Variants in CLBA1 observed in about 807,000 individuals in gnomAD.
CLBA1 encodes uncharacterized protein CLBA1.
A neutral mutation model predicts 28.8 loss-of-function variants in CLBA1; 30 were observed. That is an observed-to-expected ratio of 1.04 (90% CI 0.78 to 1.41). The LOEUF (loss-of-function observed/expected upper bound fraction) is 1.41, where lower values mean the gene tolerates loss of function less well. Ranked by LOEUF, CLBA1 falls within the 40% of genes most tolerant of loss-of-function variation. CLBA1 has a pLI of 0.00. For synonymous variants in CLBA1, 160 were observed against 152.8 expected, an observed-to-expected ratio of 1.05 and a Z score of -0.35; for missense variants, 451 against 412.3, an observed-to-expected ratio of 1.09 and a Z score of -0.81.
chr14:104,996,478 G>A (rs1429470681), downstream of CLBA1, among the ~76,000 whole-genome samples: 1 of 152,232 alleles, frequency 6.6e-6, no homozygotes, highest in Non-Finnish European at 1.5e-5. Flanking sequence ...GCAGGGAGCT[G>A]ACGGACACTC....
At chr14:104,988,357 G>C (rs1899927076) in intron 1 of CLBA1, among the ~76,000 whole-genome samples, 1 of 139,352 alleles carries the variant, frequency 7.2e-6, no homozygotes, top group Non-Finnish European at 1.5e-5. Flanking sequence ...TTTTGAGACG[G>C]AGTCTCTCTC....
In CLBA1 at chr14:104,986,394, G is replaced by A. The variant is rs1158561514; in HGVS notation, c.-38G>A. 2 of 1,597,650 alleles carry A rather than the reference G, an allele frequency of 1.3e-6. No individual in the cohort carries two copies. Among genetic ancestry groups the A allele is most frequent in the Non-Finnish European group, 8.5e-7 (1 of 1,174,168 alleles). On this transcript the variant is annotated 5_prime_UTR_variant, in exon 1 of 5. Coordinates refer to ENST00000547315, the MANE Select transcript of CLBA1 (RefSeq NM_174891.4). ...CCCCGGCGTGCATGTCTCCTGAGCA[G>A]CTGCCCATCGGGCCTCTGCTGGCCT... is the stretch of plus-strand genomic sequence containing the variant.
chr14:104,993,367 G>C, intron 4 of CLBA1: 1 of 985,458 alleles, frequency 1.0e-6, no homozygotes, highest in East Asian at 1.1e-4. Flanking sequence ...GAGACGCCAG[G>C]TGTGGATGAC....
At chr14:104,991,456 A>G (rs776776262) in intron 2 of CLBA1, 35 bp from the exon 3 acceptor site, 11 of 1,612,016 alleles carry the variant, frequency 6.8e-6, no homozygotes, top group Non-Finnish European at 9.3e-6. Context: ...GAAGGCTCTC[A>G]AGGTCACCTT....
chr14:104,994,912 G>C lies in CLBA1; in HGVS notation c.*153G>C, dbSNP rs1036263503. On this transcript the variant is annotated 3_prime_UTR_variant, in exon 5 of 5. Transcript: ENST00000547315. ...AGGACCTGTCCTGTGTTCTGGGCTT[G>C]TCTCGGGTCTGACCAGGAGATGGAG... 71 of 1,379,754 alleles carry C rather than the reference G, an allele frequency of 5.1e-5. No homozygotes were observed. The highest frequency in any genetic ancestry group is 3.3e-4 in the Admixed American group (10 of 30,658). The allele number at this position is 1,379,754 out of a possible 1,614,324, so 85.5% of individuals were successfully genotyped here.
chr14:104,996,941 C>T (rs1238684923), downstream of CLBA1, among the ~76,000 whole-genome samples: 2 of 152,260 alleles, frequency 1.3e-5, no homozygotes, highest in Non-Finnish European at 2.9e-5. Context: ...TGGAACTAAA[C>T]GTTGTTTGCT....
chr14:104,989,568 T>C, intron 2 of CLBA1: 2 of 455,704 alleles, frequency 4.4e-6, no homozygotes, highest in East Asian at 6.9e-5. Context: ...CGGTGCTGCC[T>C]GCAGGGCCAC....
chr14:105,000,590 A>T (rs1409278176), intron 2 of CLBA1, among the ~76,000 whole-genome samples: 4 of 151,866 alleles, frequency 2.6e-5, no homozygotes, highest in Non-Finnish European at 5.9e-5. Context: ...ATTTTCCAAA[A>T]ATATATATAT....
rs1457776899 is a variant in CLBA1 at position 104,995,163 on chromosome 14, GA to G, written c.*407del. 1 of 990,098 alleles carries G rather than the reference GA, an allele frequency of 1.0e-6. No individual in the cohort carries two copies. Among genetic ancestry groups the G allele is most frequent in the Non-Finnish European group, 1.2e-6 (1 of 833,318 alleles). 61.3% of individuals were successfully genotyped at this position (990,098 alleles called of 1,614,324 possible). ...GTTCAGAGGAAAAGGGGAAGGCACT[GA>G]AACGTCACCAGAGAGACAGCTGTTG... On this transcript the variant is annotated 3_prime_UTR_variant, in exon 5 of 5. Transcript: ENST00000547315.
In CLBA1 at chr14:104,986,606, G is replaced by A; in HGVS notation, c.175G>A (p.Glu59Lys). 3 of 1,614,068 alleles carry A rather than the reference G, an allele frequency of 1.9e-6. No individual in the cohort carries two copies. Among genetic ancestry groups the A allele is most frequent in the African/African-American group, 1.3e-5 (1 of 75,036 alleles). ...GAAAGCCAGCATCTCCATGCCCCGT[G>A]AGGGCGGTTCCACCTGCACTGCCCG... ...DGKASISMPR[E>K]GGSTCTARCP... The change falls in exon 1 of 5, where the codon GAG (glutamate) becomes AAG (lysine). Residue 59 changes from glutamate to lysine, a missense_variant. By Grantham distance (56) the Glu-to-Lys change is moderately conservative (BLOSUM62 1). Transcript: ENST00000547315.
chr14:104,994,586 C>G lies in CLBA1; in HGVS notation c.817-12C>G, dbSNP rs1276191422. The G allele has an allele frequency of 1.2e-6, 2 of 1,600,654 alleles. No individual in the cohort carries two copies. The highest frequency in any genetic ancestry group is 1.7e-6 in the Non-Finnish European group (2 of 1,177,478). On this transcript the variant is annotated splice_polypyrimidine_tract_variant and intron_variant, in intron 4 of 4. Coordinates refer to ENST00000547315, the MANE Select transcript of CLBA1 (RefSeq NM_174891.4). The stretch of plus-strand genomic sequence containing the variant: ...GGGGTGCGCGCGCCTGACTGCTGTC[C>G]TCTCATCTCAGCTCTCGGGGCCGCC...
At chr14:104,988,636 G>A (rs1675664282) in intron 1 of CLBA1, among the ~76,000 whole-genome samples, 1 of 152,194 alleles carries the variant, frequency 6.6e-6, no homozygotes, top group Admixed American at 6.5e-5. Context: ...ACCGCGCCCG[G>A]CCGCATGTAT....
At chr14:104,991,418 C>T in intron 2 of CLBA1, 73 bp from the exon 3 acceptor site, 1 of 1,590,214 alleles carries the variant, frequency 6.3e-7, no homozygotes. Context: ...CCGCTGCGTG[C>T]CTCGGGCCGT....
Position 104,986,457 on chromosome 14 carries a change from G to GA in CLBA1, c.27dup (p.Glu10ArgfsTer5), listed in dbSNP as rs1899863233. The GA allele has an allele frequency of 3.1e-6, 5 of 1,612,870 alleles. No homozygotes were observed. Among genetic ancestry groups the GA allele is most frequent in the Non-Finnish European group, 4.2e-6 (5 of 1,180,014 alleles). Reference sequence around the variant, plus strand: ...ATGCAAGGCCGGCGGGAGCTGGGGGGAGAGCCTTTGAGTGACCTCCAGGAG... The same window carrying GA: ...ATGCAAGGCCGGCGGGAGCTGGGGGGAAGAGCCTTTGAGTGACCTCCAGGAG... On this transcript the variant is annotated frameshift_variant, in exon 1 of 5. Coordinates refer to ENST00000547315, the MANE Select transcript of CLBA1 (RefSeq NM_174891.4). LOFTEE classifies it high-confidence loss of function.
chr14:104,992,968 C>T lies in CLBA1; in HGVS notation c.720C>T (p.Gly240=), dbSNP rs767126176. 1.9e-6 allele frequency: 3 copies of T among 1,613,950 alleles called. No individual in the cohort carries two copies. In the East Asian group the frequency reaches 6.7e-5, roughly 36 times the overall value. The change falls in exon 4 of 5, where the codon GGC becomes GGT. Residue 240 remains glycine (G), a synonymous_variant. Transcript: ENST00000547315. ...AAQKNLSGGQ[G]HIMEDCDLKE... The stretch of plus-strand genomic sequence containing the variant: ...CTTAGAACCTTTCTGGAGGCCAGGG[C>T]CACATCATGGAAGATTGTGACCTCA...
chr14:104,986,418 C>T lies in CLBA1; in HGVS notation c.-14C>T, dbSNP rs1899859247. On this transcript the variant is annotated 5_prime_UTR_variant, in exon 1 of 5. Coordinates refer to ENST00000547315, the MANE Select transcript of CLBA1 (RefSeq NM_174891.4). ...AGCTGCCCATCGGGCCTCTGCTGGC[C>T]TGGGGGCTCCAAGATGCAAGGCCGG... 6.2e-7 allele frequency: 1 copy of T among 1,610,114 alleles called. No individual in the cohort carries two copies. The highest frequency in any genetic ancestry group is 2.2e-5 in the East Asian group (1 of 44,870).
At position 104,986,588 on chromosome 14, in the gene CLBA1, A is replaced by G. The variant is rs374324729; in HGVS notation, c.157A>G (p.Ser53Gly). 1.2e-5 allele frequency: 20 copies of G among 1,613,972 alleles called. No individual in the cohort carries two copies. The African/African-American group carries it at 2.0e-4, about 16-fold the overall frequency. The change falls in exon 1 of 5, where the codon AGC becomes GGC. Residue 53 changes from serine (S) to glycine (G), a missense_variant. By Grantham distance (56) the Ser-to-Gly change is moderately conservative. Transcript: ENST00000547315. ...PDLLLSDGKASISMPREGGST... is the reference protein window; with the variant it reads ...PDLLLSDGKAGISMPREGGST... ...CCTTCTCCTGTCCGATGGGAAAGCC[A>G]GCATCTCCATGCCCCGTGAGGGCGG...
chr14:104,993,108 G>A (rs555306106), intron 4 of CLBA1, 44 bp downstream of exon 4: 15 of 1,590,756 alleles, frequency 9.4e-6, no homozygotes, highest in Non-Finnish European at 1.1e-5. Flanking sequence ...CGCGCTGGCG[G>A]TGTCCACACA....
chr14:104,999,323 TCAG>T (rs1900223990), downstream of CLBA1: 1 of 816,440 alleles, frequency 1.2e-6, no homozygotes, highest in Non-Finnish European at 1.5e-6. Flanking sequence ...AACTGAGCCG[TCAG>T]CCACATCAGA....
Sources: gnomAD v4.1 joint callset for allele counts (sites outside exome capture counted in the v4.1 genomes callset) on GRCh38, gnomAD v4.1.1 for gene constraint, MANE v1.5 for transcripts, NCBI Gene and HGNC (gene_info 2026-07-23, HGNC 2026-07-21) for gene names.